Variants in INPP5B observed in about 807,000 individuals in gnomAD.
The protein encoded by INPP5B is type II inositol 1,4,5-trisphosphate 5-phosphatase.
A neutral mutation model predicts 118.5 loss-of-function variants in INPP5B; 90 were observed. The ratio of observed to expected loss-of-function variants is 0.76; its 90% CI spans 0.64 to 0.90. INPP5B has a LOEUF of 0.90. Among genes scored for constraint, INPP5B ranks in the 40% least tolerant of loss-of-function variants. The pLI, the probability that INPP5B is intolerant of heterozygous loss-of-function variation, is 0.00. For missense variants in INPP5B, 984 were observed against 1,125.6 expected, an observed-to-expected ratio of 0.87 and a Z score of 1.80; for synonymous variants, 385 against 418.9, an observed-to-expected ratio of 0.92 and a Z score of 0.99.
chr1:37,912,527 C>A (rs1644734008), intron 7 of INPP5B, among the ~76,000 whole-genome samples: 1 of 152,212 alleles, frequency 6.6e-6, no homozygotes, highest in Non-Finnish European at 1.5e-5. Flanking sequence ...GCCCCAAAAA[C>A]TTGTCATCCC....
intron 19 of INPP5B, chr1:37,869,988 G>T (rs1041806868): frequency 6.6e-6 from 1 of 151,660 alleles, no homozygotes; most frequent in African/African-American, 2.4e-5. Flanking sequence ...CTTTTAGATG[G>T]CAGCAAATTT....
intron 14 of INPP5B, among the ~76,000 whole-genome samples, chr1:37,880,423 T>TTTTATTTATTTATTTATTTATTTATTTA (rs71278742): frequency 6.7e-6 from 1 of 149,732 alleles, no homozygotes; most frequent in Non-Finnish European, 1.5e-5. Context: ...GTTTTTAATG[T>TTTTATTTATTTATTTATTTATTTATTTA]TTTATTTATT....
At chr1:37,877,013 C>CCA (rs1363906646) in intron 16 of INPP5B, among the ~76,000 whole-genome samples, 8 of 150,862 alleles carry the variant, frequency 5.3e-5, no homozygotes, top group African/African-American at 2.0e-4. Context: ...TGTGACTGTG[C>CCA]CACTGCATCA....
At chr1:37,913,590 A>G (rs1469546048) in intron 7 of INPP5B, among the ~76,000 whole-genome samples, 2 of 151,884 alleles carry the variant, frequency 1.3e-5, no homozygotes, top group Non-Finnish European at 1.5e-5. Flanking sequence ...CAACCCCACA[A>G]TATCACCCCC....
intron 22 of INPP5B, among the ~76,000 whole-genome samples, chr1:37,865,358 T>C (rs1351890652): frequency 1.3e-5 from 2 of 152,234 alleles, no homozygotes; most frequent in African/African-American, 2.4e-5. Flanking sequence ...GAGCCAAGTA[T>C]AGTTTTTGAC....
At chr1:37,868,387 C>A in intron 20 of INPP5B, 114 bp downstream of exon 20, 1 of 688,928 alleles carries the variant, frequency 1.5e-6, no homozygotes, top group Non-Finnish European at 2.7e-6. Context: ...CCTTCCTCCC[C>A]TCCCTGGGTG....
intron 19 of INPP5B, among the ~76,000 whole-genome samples, chr1:37,869,460 T>C: frequency 6.9e-6 from 1 of 145,716 alleles, no homozygotes; most frequent in South Asian, 2.2e-4. Flanking sequence ...GTCCACTGTT[T>C]TTATTTATTT....
chr1:37,936,797 C>G (rs1245052510), intron 6 of INPP5B, among the ~76,000 whole-genome samples: 1 of 150,082 alleles, frequency 6.7e-6, no homozygotes, highest in African/African-American at 2.5e-5. Context: ...GAACCCCTAA[C>G]CTCAAGTGAT....
intron 7 of INPP5B, among the ~76,000 whole-genome samples, chr1:37,894,446 C>T (rs1208192713): frequency 1.3e-5 from 2 of 152,124 alleles, no homozygotes; most frequent in Non-Finnish European, 2.9e-5. Context: ...TTATGCATCA[C>T]TGTATCCCCA....
chr1:37,883,079 A>G (rs1452568842), intron 13 of INPP5B, 161 bp from the exon 14 acceptor site: 2 of 985,442 alleles, frequency 2.0e-6, no homozygotes, highest in East Asian at 2.3e-4. Context: ...CATCCCATTT[A>G]ATAATCTAAT....
rs1372091822 is a variant in INPP5B at position 37,882,813 on chromosome 1, A to G, written c.1425T>C (p.Tyr475=). The G allele has an allele frequency of 6.2e-6, 10 of 1,613,090 alleles. No homozygotes were observed. Among genetic ancestry groups the G allele is most frequent in the Non-Finnish European group, 8.5e-6 (10 of 1,179,040 alleles). ...EEKDFQMLYA[Y]DQLKIQVAAK... The stretch of plus-strand genomic sequence containing the variant: ...CACAGGTGGCCATCTGTACCTGATC[A>G]TATGCATACAGCATTTGAAAGTCCT... Residue 475 remains tyrosine (Y), a synonymous_variant, in exon 14 of 24, where the codon TAT becomes TAC. Coordinates refer to ENST00000373024, the MANE Select transcript of INPP5B (RefSeq NM_005540.3).
chr1:37,916,574 G>T (rs917221188), intron 7 of INPP5B, among the ~76,000 whole-genome samples: 1 of 151,532 alleles, frequency 6.6e-6, no homozygotes, highest in African/African-American at 2.4e-5. Flanking sequence ...GCGCCACTAC[G>T]CCCGGCTAAT....
chr1:37,925,695 G>C (rs1645201861), intron 7 of INPP5B, among the ~76,000 whole-genome samples: 1 of 152,168 alleles, frequency 6.6e-6, no homozygotes, highest in African/African-American at 2.4e-5. Flanking sequence ...ACTTCTAACT[G>C]AGTGTTTGTG....
rs1323331521 is a variant in INPP5B at position 37,896,847 on chromosome 1, C to T, written c.533-5393G>A. ...TGAGGGGCGCCTCTGCCTAGCCGCCCCTACGGGGAAGTGAGGAGCCCCTCT... is the reference window on the plus strand; with the variant it reads ...TGAGGGGCGCCTCTGCCTAGCCGCCTCTACGGGGAAGTGAGGAGCCCCTCT... On this transcript the variant is annotated intron_variant, in intron 7 of 23. Transcript: ENST00000373024. 1.5e-5 allele frequency among the ~76,000 whole-genome samples: 2 copies of T among 136,360 alleles called. 1 individual carries two copies. The highest frequency in any genetic ancestry group is 1.4e-4 in the Admixed American group (2 of 14,168). The allele number at this position is 136,360 out of a possible 152,430, so 89.5% of individuals were successfully genotyped here.
intron 23 of INPP5B, among the ~76,000 whole-genome samples, chr1:37,862,942 T>G (rs987526715): frequency 2.6e-5 from 4 of 152,152 alleles, no homozygotes; most frequent in Non-Finnish European, 5.9e-5. Context: ...GTGGCTGAGG[T>G]TGGGGGGTTG....
At chr1:37,939,589 C>T (rs1390811141) in intron 6 of INPP5B, among the ~76,000 whole-genome samples, 2 of 151,496 alleles carry the variant, frequency 1.3e-5, no homozygotes, top group African/African-American at 2.4e-5. Context: ...GGACTATAGG[C>T]GCCCGCCACC....
chr1:37,910,463 G>A (rs1041818817), intron 7 of INPP5B, among the ~76,000 whole-genome samples: 1 of 151,980 alleles, frequency 6.6e-6, no homozygotes, highest in African/African-American at 2.4e-5. Flanking sequence ...CTGGGCTACA[G>A]CCACACCTCA....
At chr1:37,890,419 T>G (rs1471836419) in intron 8 of INPP5B, among the ~76,000 whole-genome samples, 4 of 152,116 alleles carry the variant, frequency 2.6e-5, no homozygotes, top group Non-Finnish European at 5.9e-5. Flanking sequence ...TCTGTACATC[T>G]ATTCCACAGG....
intron 7 of INPP5B, among the ~76,000 whole-genome samples, chr1:37,927,795 C>T (rs1458213148): frequency 6.6e-6 from 1 of 152,100 alleles, no homozygotes; most frequent in Non-Finnish European, 1.5e-5. Flanking sequence ...CCTTGGCCTC[C>T]CAAAGTGCAG....
Sources: allele counts gnomAD v4.1 joint callset (sites outside exome capture counted in the v4.1 genomes callset), GRCh38; gene constraint gnomAD v4.1.1; transcripts MANE v1.5; gene names NCBI Gene and HGNC (gene_info 2026-07-23, HGNC 2026-07-21).